The following NAA35 variants were observed in gnomAD, a reference collection of about 807,000 sequenced individuals.
NAA35 encodes the protein MAK10 homolog, amino-acid N-acetyltransferase subunit.
A neutral mutation model predicts 101.7 loss-of-function variants in NAA35; 18 were observed. The observed-to-expected ratio is 0.18, with a 90% CI of 0.12 to 0.26. The LOEUF (loss-of-function observed/expected upper bound fraction) is 0.26, where lower values mean the gene tolerates loss of function less well. NAA35 is among the 10% of genes least tolerant of loss of function. The pLI is 1.00. For synonymous variants in NAA35, 267 were observed against 273.1 expected (o/e 0.98, Z 0.22); for missense variants, 601 against 886.8 (o/e 0.68, Z 4.09).
intron 11 of NAA35, among the ~76,000 whole-genome samples, chr9:85,992,531 T>C (rs1345037885): frequency 6.6e-6 from 1 of 152,224 alleles, no homozygotes; most frequent in Non-Finnish European, 1.5e-5. Context: ...CTCATTTTGC[T>C]GATAGTGTGC....
chr9:86,017,641 G>T, intron 19 of NAA35, 76 bp downstream of exon 19: 1 of 1,158,554 alleles, frequency 8.6e-7, no homozygotes, highest in South Asian at 1.5e-5. Context: ...ACTGTTTTCT[G>T]TGATTCTTTC....
intron 6 of NAA35, among the ~76,000 whole-genome samples, chr9:85,967,457 C>T (rs1829800701): frequency 6.6e-6 from 1 of 151,936 alleles, no homozygotes; most frequent in Admixed American, 6.6e-5. Flanking sequence ...TTGTCTTAGT[C>T]TTATAATTAG....
At chr9:86,009,552 G>A (rs1208313316) in intron 14 of NAA35, among the ~76,000 whole-genome samples, 1 of 152,100 alleles carries the variant, frequency 6.6e-6, no homozygotes, top group Non-Finnish European at 1.5e-5. Flanking sequence ...GGAAATATGT[G>A]ACACTGAAGT....
At chr9:85,956,073 G>T (rs1240154360) in intron 2 of NAA35, among the ~76,000 whole-genome samples, 1 of 152,170 alleles carries the variant, frequency 6.6e-6, no homozygotes, top group Non-Finnish European at 1.5e-5. Flanking sequence ...TTTTAAAAAT[G>T]GGGTTGGTAA....
At chr9:85,971,740 A>G (rs970743176) in intron 6 of NAA35, among the ~76,000 whole-genome samples, 3 of 152,204 alleles carry the variant, frequency 2.0e-5, no homozygotes, top group Non-Finnish European at 2.9e-5. Flanking sequence ...GCTTAGACCA[A>G]AACCCTAAAA....
chr9:85,976,745 C>A lies in NAA35; in HGVS notation c.678+10C>A. On this transcript the variant is annotated intron_variant, in intron 9 of 22. Coordinates refer to ENST00000361671, the MANE Select transcript of NAA35 (RefSeq NM_024635.4). Reference sequence around the variant, plus strand: ...AGAAGTTGAACTAGAAGTAATTGAACTTATTTTCTGGTAGATAATATCAGA... The same window carrying A: ...AGAAGTTGAACTAGAAGTAATTGAAATTATTTTCTGGTAGATAATATCAGA... The A allele has an allele frequency of 3.2e-6, 5 of 1,580,674 alleles. No individual in the cohort carries two copies. Among genetic ancestry groups the A allele is most frequent in the Non-Finnish European group, 4.3e-6 (5 of 1,162,224 alleles).
At chr9:85,955,360 A>ATATTTTTTTT (rs749448250) in intron 2 of NAA35, among the ~76,000 whole-genome samples, 4 of 53,932 alleles carry the variant, frequency 7.4e-5, no homozygotes, top group African/African-American at 1.5e-4. Context: ...ATATATATAT[A>ATATTTTTTTT]TTTTTTTTTT....
chr9:85,948,603 A>G (rs1377306847), intron 2 of NAA35, among the ~76,000 whole-genome samples: 3 of 152,154 alleles, frequency 2.0e-5, no homozygotes, highest in African/African-American at 4.8e-5. Context: ...GAGGCTCTTA[A>G]TATCTGAAAA....
rs1828534023 is a variant in NAA35, at chr9:85,941,866, G to A, written c.-5-289G>A. The A allele has an allele frequency of 1.0e-5, 11 of 1,098,826 alleles. No individual in the cohort carries two copies. The South Asian group carries it at 2.6e-4, about 26-fold the overall frequency. 68.1% of individuals were successfully genotyped at this position (1,098,826 alleles called of 1,614,324 possible). On this transcript the variant is annotated intron_variant, in intron 1 of 22. Transcript: ENST00000361671. Reference sequence around the variant, plus strand: ...TGGAAGCTCTGGAGTTGTTCTTTTCGGGCCAGAGGTGAGATGGTTTGTGAT... The same window carrying A: ...TGGAAGCTCTGGAGTTGTTCTTTTCAGGCCAGAGGTGAGATGGTTTGTGAT...
intron 11 of NAA35, among the ~76,000 whole-genome samples, chr9:85,985,551 A>G (rs548751087): frequency 2.6e-4 from 40 of 152,338 alleles, no homozygotes; most frequent in Non-Finnish European, 4.1e-4. Flanking sequence ...ATCCATAGAG[A>G]CAAAGTAGAT....
At position 86,022,162 on chromosome 9, in the gene NAA35, G is replaced by A; in HGVS notation, c.*202G>A. 1 of 460,472 alleles carries A rather than the reference G, an allele frequency of 2.2e-6. No individual in the cohort carries two copies. Among genetic ancestry groups the A allele is most frequent in the African/African-American group, 2.0e-5 (1 of 49,726 alleles). The allele number at this position is 460,472 out of a possible 1,614,324, so 28.5% of individuals were successfully genotyped here. A position where few individuals can be genotyped will look rare whatever the true frequency, so the allele number is the denominator to read the frequency against. ...TTAAAGTGGTTTATTATGTTCCATG[G>A]AAGAAACTGGTCTTATTGAATGCAT... is the stretch of plus-strand genomic sequence containing the variant. On this transcript the variant is annotated 3_prime_UTR_variant, in exon 23 of 23. Coordinates refer to ENST00000361671, the MANE Select transcript of NAA35 (RefSeq NM_024635.4).
rs374901096 is a variant in NAA35, at chr9:85,962,142, G to A, written c.478G>A (p.Ala160Thr). The change falls in exon 6 of 23, where the codon GCA becomes ACA. Residue 160 changes from alanine (A) to threonine (T), a missense_variant. Coordinates refer to ENST00000361671, the MANE Select transcript of NAA35 (RefSeq NM_024635.4). ...ALGILKICDIAREKVNKAAVF... is the reference protein window; with the variant it reads ...ALGILKICDITREKVNKAAVF... ...GGGAATCTTGAAAATCTGTGACATT[G>A]CAAGGGAAAAAGTAAATAAAGCTGC... 3 of 1,613,940 alleles carry A rather than the reference G, an allele frequency of 1.9e-6. No homozygotes were observed. The highest frequency in any genetic ancestry group is 2.2e-5 in the South Asian group (2 of 91,072).
At chr9:85,959,511 T>C (rs1445730134) in intron 4 of NAA35, among the ~76,000 whole-genome samples, 1 of 152,104 alleles carries the variant, frequency 6.6e-6, no homozygotes, top group Non-Finnish European at 1.5e-5. Flanking sequence ...CTTTTCATTT[T>C]ATATAAAGGC....
intron 6 of NAA35, among the ~76,000 whole-genome samples, chr9:85,963,194 A>G (rs1230857568): frequency 2.0e-5 from 3 of 151,656 alleles, no homozygotes; most frequent in Non-Finnish European, 2.9e-5. Context: ...AACTTTTCTC[A>G]ATTTATACTA....
intron 12 of NAA35, among the ~76,000 whole-genome samples, chr9:85,997,518 T>A (rs1326588729): frequency 6.6e-6 from 1 of 151,770 alleles, no homozygotes; most frequent in East Asian, 1.9e-4. Context: ...ATTTTTTGTA[T>A]TTTTGGTAGA....
chr9:85,962,263 G>A, intron 6 of NAA35, 83 bp downstream of exon 6: 1 of 1,344,886 alleles, frequency 7.4e-7, no homozygotes, highest in East Asian at 2.4e-5. Flanking sequence ...GGCCAAGGTG[G>A]GCAGATCACC....
intron 22 of NAA35, among the ~76,000 whole-genome samples, chr9:86,021,315 T>C (rs759107064): frequency 5.3e-5 from 8 of 152,246 alleles, no homozygotes; most frequent in Non-Finnish European, 8.8e-5. Context: ...GCTTTAATAA[T>C]GAAAGACTTC....
chr9:85,956,101 T>C (rs1829262548), intron 2 of NAA35, among the ~76,000 whole-genome samples: 1 of 152,202 alleles, frequency 6.6e-6, no homozygotes, highest in Non-Finnish European at 1.5e-5. Flanking sequence ...TGGAATATTA[T>C]GGCCTGCGAT....
intron 2 of NAA35, among the ~76,000 whole-genome samples, chr9:85,950,373 G>C (rs1191607563): frequency 6.6e-6 from 1 of 152,156 alleles, no homozygotes; most frequent in Non-Finnish European, 1.5e-5. Flanking sequence ...AGCCTCCCAA[G>C]TAGTTGGGAT....
Sources: gnomAD v4.1 joint callset for allele counts (sites outside exome capture counted in the v4.1 genomes callset) on GRCh38, gnomAD v4.1.1 for gene constraint, MANE v1.5 for transcripts, NCBI Gene and HGNC (gene_info 2026-07-23, HGNC 2026-07-21) for gene names.